MEGF11: variants seen among roughly 807,000 people sequenced by gnomAD.
MEGF11 encodes the protein multiple epidermal growth factor-like domains protein 11.
In MEGF11, 126 loss-of-function variants were observed where a neutral mutation model predicts 146.6. The observed-to-expected ratio is 0.86, with a 90% confidence interval of 0.74 to 1.00. The LOEUF is 1.00. Ranked by LOEUF, MEGF11 falls within the 50% of genes least tolerant of loss-of-function variation. The pLI, the probability that MEGF11 is intolerant of heterozygous loss-of-function variation, is 0.00. For synonymous variants in MEGF11, 532 were observed against 583.4 expected (o/e 0.91, Z 1.27); for missense variants, 1,509 against 1,521.2 (o/e 0.99, Z 0.13).
At chr15:65,957,049 A>T (rs559742507) in intron 10 of MEGF11, among the ~76,000 whole-genome samples, 1 of 152,362 alleles carries the variant, frequency 6.6e-6, no homozygotes, top group East Asian at 1.9e-4. Context: ...TGCTATTTGT[A>T]TGAAGATGCT....
intron 10 of MEGF11, among the ~76,000 whole-genome samples, chr15:65,942,732 T>C (rs1306021664): frequency 1.3e-5 from 2 of 152,066 alleles, no homozygotes; most frequent in African/African-American, 4.8e-5. Context: ...CTGTGGTTCC[T>C]GAGGGGCTGG....
chr15:65,929,782 T>G lies in MEGF11; in HGVS notation c.1510A>C (p.Ile504Leu). 1 of 1,560,866 alleles carries G rather than the reference T, an allele frequency of 6.4e-7. No individual in the cohort carries two copies. Among genetic ancestry groups the G allele is most frequent in the Non-Finnish European group, 8.7e-7 (1 of 1,152,382 alleles). Residue 504 changes from isoleucine to leucine, a missense_variant, in exon 12 of 26, where the codon ATA (isoleucine) becomes CTA (leucine). Physicochemically the swap from Ile to Leu is conservative, Grantham distance 5. Coordinates refer to ENST00000395614, the MANE Select transcript of MEGF11 (RefSeq NM_001385028.1). ...GGAGTGCAGGAGCAGGAGCCGTCTA[T>G]GGGGCTGCAGGCTGCCCCATTGGCA... The part of the protein sequence containing the change: ...TCANGAACSP[I>L]DGSCSCTPGW...
chr15:65,954,909 G>A (rs1036198603), intron 10 of MEGF11, among the ~76,000 whole-genome samples: 1 of 152,132 alleles, frequency 6.6e-6, no homozygotes, highest in Non-Finnish European at 1.5e-5. Context: ...CACAGACAAT[G>A]TATATGACCA....
intron 8 of MEGF11, 83 bp downstream of exon 8, chr15:65,970,470 G>C (rs930211391): frequency 2.1e-6 from 3 of 1,426,636 alleles, no homozygotes; most frequent in Non-Finnish European, 2.9e-6. Flanking sequence ...CTGGCAGAGA[G>C]AGGGCTATGA....
At chr15:65,932,848 G>A (rs747068967) in intron 10 of MEGF11, among the ~76,000 whole-genome samples, 10 of 152,054 alleles carry the variant, frequency 6.6e-5, no homozygotes, top group East Asian at 3.9e-4. Flanking sequence ...TAAGCTTTCC[G>A]TGGGAATCCT....
chr15:66,248,588 T>C (rs1344178074), intron 1 of MEGF11, among the ~76,000 whole-genome samples: 3 of 152,224 alleles, frequency 2.0e-5, no homozygotes, highest in Non-Finnish European at 2.9e-5. Context: ...TTCCCTTTAC[T>C]AAGCCTCACT....
At chr15:66,140,433 G>C (rs1281828732) in intron 1 of MEGF11, among the ~76,000 whole-genome samples, 1 of 152,196 alleles carries the variant, frequency 6.6e-6, no homozygotes, top group Admixed American at 6.5e-5. Context: ...CCTGACTCCA[G>C]CTTCTCTCAG....
intron 1 of MEGF11, among the ~76,000 whole-genome samples, chr15:66,163,426 C>T (rs1476279794): frequency 6.6e-6 from 1 of 152,120 alleles, no homozygotes; most frequent in Non-Finnish European, 1.5e-5. Flanking sequence ...TGGAGGAGCG[C>T]TCCAGTGATG....
Position 66,220,788 on chromosome 15 carries a change from C to T in MEGF11, c.-9+32817G>A, listed in dbSNP as rs868051629. On this transcript the variant is annotated intron_variant, in intron 1 of 25. Coordinates refer to ENST00000395614, the MANE Select transcript of MEGF11 (RefSeq NM_001385028.1). Reference sequence around the variant, plus strand: ...CTGGGCTCAAGTGATCCTCCTGCTTCGGCCTCCCAAACTGCTAGGGTTACA... The same window carrying T: ...CTGGGCTCAAGTGATCCTCCTGCTTTGGCCTCCCAAACTGCTAGGGTTACA... Among the ~76,000 whole-genome samples the T allele has an allele frequency of 6.6e-5, 10 of 152,236 alleles. No individual in the cohort carries two copies. In the South Asian group the frequency reaches 8.3e-4, roughly 13 times the overall value.
At chr15:66,014,748 C>G (rs1055766682) in intron 5 of MEGF11, among the ~76,000 whole-genome samples, 1 of 152,178 alleles carries the variant, frequency 6.6e-6, no homozygotes, top group Non-Finnish European at 1.5e-5. Context: ...GAGAACTCTC[C>G]GCTTTCATCA....
intron 24 of MEGF11, among the ~76,000 whole-genome samples, chr15:65,901,301 AG>A (rs1195050855): frequency 6.6e-6 from 1 of 151,814 alleles, no homozygotes; most frequent in Admixed American, 6.6e-5. Flanking sequence ...ATTTAAAGAA[AG>A]GCTATTGCAC....
intron 3 of MEGF11, among the ~76,000 whole-genome samples, chr15:66,120,198 GAAGGAGT>G (rs1323203056): frequency 6.6e-6 from 1 of 152,196 alleles, no homozygotes; most frequent in Non-Finnish European, 1.5e-5. Context: ...CGGCCACAGT[GAAGGAGT>G]AAGTAAAAAG....
chr15:65,940,104 A>C (rs115334850), intron 10 of MEGF11, among the ~76,000 whole-genome samples: 75 of 152,250 alleles, frequency 4.9e-4, no homozygotes, highest in African/African-American at 1.7e-3. Context: ...TGGGGCATAA[A>C]ATGAGGCTGT....
At chr15:65,975,793 A>T (rs1324224821) in intron 7 of MEGF11, among the ~76,000 whole-genome samples, 6 of 152,240 alleles carry the variant, frequency 3.9e-5, no homozygotes, top group Non-Finnish European at 7.3e-5. Flanking sequence ...AACAGGGGGC[A>T]CTTAATTAAT....
chr15:66,037,569 T>G (rs979514703), intron 5 of MEGF11, among the ~76,000 whole-genome samples: 1 of 152,144 alleles, frequency 6.6e-6, no homozygotes, highest in South Asian at 2.1e-4. Flanking sequence ...TGAGCTCTTA[T>G]AACGTGGAAA....
At chr15:66,029,867 C>T (rs2083456980) in intron 5 of MEGF11, among the ~76,000 whole-genome samples, 1 of 152,246 alleles carries the variant, frequency 6.6e-6, no homozygotes, top group Non-Finnish European at 1.5e-5. Context: ...CTGTCCCTTT[C>T]CCTCCTCTGG....
chr15:66,053,116 G>A (rs974264482), intron 5 of MEGF11, among the ~76,000 whole-genome samples: 1 of 152,126 alleles, frequency 6.6e-6, no homozygotes, highest in African/African-American at 2.4e-5. Flanking sequence ...GGGTGAATGG[G>A]TGGGTGGGCC....
chr15:65,950,142 T>A (rs553578487), intron 10 of MEGF11, among the ~76,000 whole-genome samples: 205 of 151,242 alleles, frequency 1.4e-3, no homozygotes, highest in African/African-American at 4.6e-3. Flanking sequence ...GCAGCAGTAG[T>A]GGCATCATCA....
At chr15:66,188,757 T>C (rs1406507829) in intron 1 of MEGF11, among the ~76,000 whole-genome samples, 1 of 152,216 alleles carries the variant, frequency 6.6e-6, no homozygotes, top group South Asian at 2.1e-4. Context: ...GTGTTTTCCC[T>C]AGCCTCCATC....
Sources: gnomAD v4.1 joint callset for allele counts (sites outside exome capture counted in the v4.1 genomes callset) on GRCh38, gnomAD v4.1.1 for gene constraint, MANE v1.5 for transcripts, NCBI Gene and HGNC (gene_info 2026-07-23, HGNC 2026-07-21) for gene names.